Variants in SENP7 observed in about 807,000 individuals in gnomAD.
SENP7 encodes sentrin-specific protease 7.
A neutral mutation model predicts 141.2 loss-of-function variants in SENP7; 64 were observed. The ratio of observed to expected loss-of-function variants is 0.45; its 90% confidence interval spans 0.37 to 0.56. The LOEUF (loss-of-function observed/expected upper bound fraction) is 0.56, where lower values mean the gene tolerates loss of function less well. SENP7 is among the 20% of genes least tolerant of loss of function. SENP7 has a pLI of 0.00. For missense variants in SENP7, 1,025 were observed against 1,212.2 expected (o/e 0.85, Z 2.29); for synonymous variants, 382 against 426.4 (o/e 0.90, Z 1.28).
chr3:101,507,819 G>C (rs1179161698), intron 1 of SENP7, among the ~76,000 whole-genome samples: 1 of 152,024 alleles, frequency 6.6e-6, no homozygotes, highest in African/African-American at 2.4e-5. Context: ...GGGAGGCCAA[G>C]GCAGGTGGAC....
intron 16 of SENP7, among the ~76,000 whole-genome samples, chr3:101,337,925 C>T (rs543406478): frequency 2.0e-5 from 3 of 152,082 alleles, no homozygotes; most frequent in Admixed American, 1.3e-4. Context: ...GAGGCCGAGG[C>T]GGGCAGATCA....
At chr3:101,355,739 T>C (rs1171171596) in intron 11 of SENP7, among the ~76,000 whole-genome samples, 1 of 152,170 alleles carries the variant, frequency 6.6e-6, no homozygotes, top group Non-Finnish European at 1.5e-5. Flanking sequence ...CTTTTTCATA[T>C]TTCTGTGAAT....
intron 3 of SENP7, among the ~76,000 whole-genome samples, chr3:101,465,586 G>T: frequency 6.6e-6 from 1 of 152,170 alleles, no homozygotes; most frequent in African/African-American, 2.4e-5. Context: ...ACATGACTGT[G>T]TCTATGTAAA....
intron 13 of SENP7, among the ~76,000 whole-genome samples, chr3:101,345,727 G>A (rs1011899046): frequency 2.0e-5 from 3 of 152,192 alleles, no homozygotes; most frequent in Admixed American, 6.5e-5. Context: ...GTAGGAGAAT[G>A]AAACTGGAGC....
At chr3:101,460,798 T>C (rs2063520257) in intron 3 of SENP7, among the ~76,000 whole-genome samples, 1 of 151,988 alleles carries the variant, frequency 6.6e-6, no homozygotes, top group South Asian at 2.1e-4. Context: ...ATATAACTGA[T>C]AAAAGTATAG....
intron 10 of SENP7, among the ~76,000 whole-genome samples, chr3:101,364,337 A>G (rs1289767942): frequency 6.6e-6 from 1 of 152,222 alleles, no homozygotes; most frequent in African/African-American, 2.4e-5. Flanking sequence ...ATATTAAACT[A>G]ACACACTTCC....
At chr3:101,379,161 T>C (rs1442793125) in intron 6 of SENP7, among the ~76,000 whole-genome samples, 1 of 152,146 alleles carries the variant, frequency 6.6e-6, no homozygotes, top group Non-Finnish European at 1.5e-5. Context: ...CAAATGATGC[T>C]GGAAAAACTG....
chr3:101,333,589 C>G (rs965013467), intron 17 of SENP7, among the ~76,000 whole-genome samples: 4 of 152,112 alleles, frequency 2.6e-5, no homozygotes, highest in African/African-American at 9.7e-5. Flanking sequence ...AAAAATGAGG[C>G]TTTTATTCTC....
intron 2 of SENP7, 151 bp downstream of exon 2, chr3:101,500,919 C>A: frequency 3.6e-6 from 2 of 549,200 alleles, no homozygotes; most frequent in Non-Finnish European, 6.4e-6. Context: ...CCTGGTTAAC[C>A]TTCAGTTAAT....
At chr3:101,446,218 C>T (rs896602242) in intron 4 of SENP7, among the ~76,000 whole-genome samples, 2 of 152,192 alleles carry the variant, frequency 1.3e-5, no homozygotes, top group Admixed American at 6.5e-5. Flanking sequence ...TTGTAAGTTT[C>T]CTGAGGCTTC....
intron 4 of SENP7, among the ~76,000 whole-genome samples, chr3:101,445,320 G>A (rs2062846637): frequency 6.6e-6 from 1 of 152,042 alleles, no homozygotes; most frequent in South Asian, 2.1e-4. Flanking sequence ...CTGATGCTGT[G>A]AAAAATGCTT....
chr3:101,507,058 C>G (rs2065649088), intron 1 of SENP7, among the ~76,000 whole-genome samples: 1 of 110,264 alleles, frequency 9.1e-6, no homozygotes, highest in Non-Finnish European at 1.9e-5. Flanking sequence ...AAGATCCCAT[C>G]TCAAAAAAAA....
Position 101,373,030 on chromosome 3 carries a change from G to T in SENP7, c.678-904C>A, listed in dbSNP as rs114318835. Among the ~76,000 whole-genome samples, 925 of 151,876 alleles carry T rather than the reference G, an allele frequency of 6.1e-3. 11 individuals carry two copies. Among genetic ancestry groups the T allele is most frequent in the African/African-American group, 0.022 (894 of 41,474 alleles). On this transcript the variant is annotated intron_variant, in intron 6 of 23. Transcript: ENST00000394095. ...CAAGGACTATAAAGACCAATTACAC[G>T]TAATGCTTCCTTGTTTTGAGAGAAT...
intron 4 of SENP7, among the ~76,000 whole-genome samples, chr3:101,431,986 T>C (rs1364328227): frequency 1.3e-5 from 2 of 152,206 alleles, no homozygotes; most frequent in Admixed American, 6.5e-5. Context: ...AAAGAGGCTC[T>C]TGGGGTCCCT....
At chr3:101,452,499 A>G (rs1351562120) in intron 4 of SENP7, among the ~76,000 whole-genome samples, 1 of 152,206 alleles carries the variant, frequency 6.6e-6, no homozygotes, top group Non-Finnish European at 1.5e-5. Flanking sequence ...ACAGCATGGT[A>G]CTGGTACCAA....
intron 2 of SENP7, among the ~76,000 whole-genome samples, chr3:101,498,066 G>A (rs2065231335): frequency 6.6e-6 from 1 of 152,114 alleles, no homozygotes; most frequent in Non-Finnish European, 1.5e-5. Flanking sequence ...CAAAGTGCCA[G>A]GATTACAGTT....
At chr3:101,330,943 T>A (rs1422100294) in intron 19 of SENP7, among the ~76,000 whole-genome samples, 2 of 152,214 alleles carry the variant, frequency 1.3e-5, no homozygotes, top group Non-Finnish European at 2.9e-5. Context: ...TAGGCTTATT[T>A]ACTTTAGATT....
intron 17 of SENP7, among the ~76,000 whole-genome samples, chr3:101,335,294 A>G (rs1391631180): frequency 2.0e-5 from 3 of 152,214 alleles, no homozygotes; most frequent in African/African-American, 4.8e-5. Flanking sequence ...CTCATAAAGC[A>G]TGATAAGGAA....
At chr3:101,354,986 C>T (rs1444004714) in intron 11 of SENP7, among the ~76,000 whole-genome samples, 1 of 152,052 alleles carries the variant, frequency 6.6e-6, no homozygotes, top group African/African-American at 2.4e-5. Flanking sequence ...TGATATTGAG[C>T]TTTTTTACCA....
Sources: gnomAD v4.1 joint callset for allele counts (sites outside exome capture counted in the v4.1 genomes callset) on GRCh38, gnomAD v4.1.1 for gene constraint, MANE v1.5 for transcripts, NCBI Gene and HGNC (gene_info 2026-07-23, HGNC 2026-07-21) for gene names.